ZBTB7C: variants seen among roughly 807,000 people sequenced by gnomAD.
ZBTB7C encodes zinc finger and BTB domain containing 7C, also known as zinc finger and BTB domain-containing protein 7C.
In ZBTB7C, 8 loss-of-function variants were observed where a neutral mutation model predicts 25.7. The ratio of observed to expected loss-of-function variants is 0.31; its 90% CI spans 0.18 to 0.56. The LOEUF is 0.56. ZBTB7C is among the 20% of genes least tolerant of loss of function. The probability of loss-of-function intolerance (pLI) is 0.91; values close to 1 mark genes in which losing one functional copy is unlikely to be tolerated. For missense variants in ZBTB7C, 824 were observed against 855.2 expected (o/e 0.96, Z 0.46); for synonymous variants, 394 against 369.0 (o/e 1.07, Z -0.78).
chr18:48,204,205 T>A (rs892573021), intron 2 of ZBTB7C, among the ~76,000 whole-genome samples: 5 of 152,036 alleles, frequency 3.3e-5, no homozygotes, highest in Admixed American at 1.3e-4. Context: ...CTGGAGAGGG[T>A]CCTCACAGAG....
chr18:48,129,918 C>G (rs1598934714), intron 3 of ZBTB7C, among the ~76,000 whole-genome samples: 1 of 152,216 alleles, frequency 6.6e-6, no homozygotes, highest in Non-Finnish European at 1.5e-5. Flanking sequence ...ACCGGCCCTC[C>G]CTTTCCCTCC....
intron 2 of ZBTB7C, among the ~76,000 whole-genome samples, chr18:48,193,071 G>A (rs1487228040): frequency 3.9e-5 from 6 of 152,190 alleles, no homozygotes; most frequent in Admixed American, 1.3e-4. Context: ...ACTTGGAGGA[G>A]GACTGTGAGA....
chr18:48,351,510 G>A (rs2046861549), intron 1 of ZBTB7C, among the ~76,000 whole-genome samples: 1 of 152,166 alleles, frequency 6.6e-6, no homozygotes. Context: ...TGTCTAAAAG[G>A]AGGGCCTCTC....
At chr18:48,367,346 G>GCA (rs376351649) in intron 1 of ZBTB7C, among the ~76,000 whole-genome samples, 34,595 of 80,878 alleles carry the variant, frequency 0.43, 5,729 homozygotes, top group East Asian at 0.74. Flanking sequence ...ATATATGTGT[G>GCA]CATATATATA....
intron 3 of ZBTB7C, among the ~76,000 whole-genome samples, chr18:48,057,607 T>C (rs2036968667): frequency 6.6e-6 from 1 of 152,236 alleles, no homozygotes; most frequent in South Asian, 2.1e-4. Flanking sequence ...TTCCTACATA[T>C]ACTCTTTGAT....
chr18:48,056,906 T>C (rs1037818079), intron 3 of ZBTB7C, among the ~76,000 whole-genome samples: 2 of 152,108 alleles, frequency 1.3e-5, no homozygotes, highest in African/African-American at 2.4e-5. Flanking sequence ...TTTATGTACA[T>C]CCAAAATTCC....
chr18:48,226,856 T>C (rs2043109758), intron 2 of ZBTB7C, among the ~76,000 whole-genome samples: 1 of 151,710 alleles, frequency 6.6e-6, no homozygotes, highest in Non-Finnish European at 1.5e-5. Flanking sequence ...CCGTCTCTAC[T>C]AAAAATACAA....
intron 3 of ZBTB7C, among the ~76,000 whole-genome samples, chr18:48,050,388 C>A (rs2036636531): frequency 6.6e-6 from 1 of 152,180 alleles, no homozygotes. Context: ...TAGCCTGTGC[C>A]CTGCCCGCCA....
rs1386469598 is a variant in ZBTB7C at position 48,040,462 on chromosome 18, G to C, written c.646C>G (p.Pro216Ala). 9 of 1,608,220 alleles carry C rather than the reference G, an allele frequency of 5.6e-6. No individual in the cohort carries two copies. Among genetic ancestry groups the C allele is most frequent in the African/African-American group, 1.3e-5 (1 of 74,806 alleles). The change falls in exon 4 of 5, where the codon CCT becomes GCT. Residue 216 changes from proline to alanine, a missense_variant. Around this residue, in one of 4 missense-constraint regions of ZBTB7C, gnomAD observed 316 missense variants for 299.2 expected, o/e 1.06. Transcript: ENST00000590800. The part of the protein sequence containing the change: ...DFPDSFQAGS[P>A]GHLGVIRDFS... ...TCCCGGATCACCCCCAGATGGCCAG[G>C]ACTGCCAGCCTGGAAGGAGTCAGGG...
At chr18:48,270,886 A>G (rs1400303184) in intron 2 of ZBTB7C, among the ~76,000 whole-genome samples, 1 of 151,942 alleles carries the variant, frequency 6.6e-6, no homozygotes, top group East Asian at 1.9e-4. Flanking sequence ...AAGGAAAAGT[A>G]ATATGGGACA....
At chr18:48,411,722 A>G (rs2048384950), upstream of ZBTB7C, among the ~76,000 whole-genome samples, 1 of 152,226 alleles carries the variant, frequency 6.6e-6, no homozygotes, top group Admixed American at 6.5e-5. Context: ...TAGGTTGAGA[A>G]AAGAGGGATG....
At chr18:48,046,843 T>C (rs2036488560) in intron 3 of ZBTB7C, among the ~76,000 whole-genome samples, 1 of 152,172 alleles carries the variant, frequency 6.6e-6, no homozygotes, top group African/African-American at 2.4e-5. Flanking sequence ...TGTGATAGGA[T>C]GGTTACGAGA....
At chr18:48,044,612 G>T (rs1391356942) in intron 3 of ZBTB7C, among the ~76,000 whole-genome samples, 1 of 152,250 alleles carries the variant, frequency 6.6e-6, no homozygotes, top group Non-Finnish European at 1.5e-5. Flanking sequence ...TCAGAGTCAG[G>T]TGTGGTGTGA....
intron 1 of ZBTB7C, among the ~76,000 whole-genome samples, chr18:48,371,610 T>C (rs2145163188): frequency 6.6e-6 from 1 of 152,334 alleles, no homozygotes; most frequent in Non-Finnish European, 1.5e-5. Flanking sequence ...CAGGAGGACT[T>C]CCATGCCACA....
chr18:48,134,910 C>A (rs1291391048), intron 3 of ZBTB7C, among the ~76,000 whole-genome samples: 1 of 152,354 alleles, frequency 6.6e-6, no homozygotes, highest in Middle Eastern at 3.4e-3. Flanking sequence ...GCTGACTGTG[C>A]TGTGTGCATT....
chr18:48,161,017 C>A (rs2041000350), intron 3 of ZBTB7C, among the ~76,000 whole-genome samples: 1 of 151,012 alleles, frequency 6.6e-6, no homozygotes, highest in South Asian at 2.1e-4. Context: ...AAAACGCACA[C>A]AGCCATGAGA....
At chr18:48,074,385 T>C (rs1598829205) in intron 3 of ZBTB7C, among the ~76,000 whole-genome samples, 2 of 152,298 alleles carry the variant, frequency 1.3e-5, no homozygotes, top group Admixed American at 1.3e-4. Context: ...TTTTCCTTCA[T>C]ATAACACAGC....
chr18:48,307,327 C>A (rs1321574107), intron 2 of ZBTB7C, among the ~76,000 whole-genome samples: 1 of 152,236 alleles, frequency 6.6e-6, no homozygotes, highest in Non-Finnish European at 1.5e-5. Context: ...ACTTCTCACA[C>A]TGTCACCATA....
At chr18:48,169,162 G>A (rs1030862984) in intron 3 of ZBTB7C, among the ~76,000 whole-genome samples, 5 of 152,184 alleles carry the variant, frequency 3.3e-5, no homozygotes, top group African/African-American at 7.2e-5. Context: ...CAGGCAATGC[G>A]GGTTAGGATT....
Sources: allele counts gnomAD v4.1 joint callset (sites outside exome capture counted in the v4.1 genomes callset), GRCh38; gene constraint gnomAD v4.1.1; regional missense constraint gnomAD v4.1.1; transcripts MANE v1.5; gene names NCBI Gene and HGNC (gene_info 2026-07-23, HGNC 2026-07-21).